CACNA2D1: variants seen among roughly 807,000 people sequenced by gnomAD.
CACNA2D1 encodes the protein voltage-dependent calcium channel subunit alpha-2/delta-1.
Under a neutral mutation model 171.5 loss-of-function variants are expected in CACNA2D1, and 53 were observed. That is an observed-to-expected ratio of 0.31 (90% CI 0.25 to 0.39). The LOEUF is 0.39. Among genes scored for constraint, CACNA2D1 ranks in the 10% least tolerant of loss-of-function variants. The probability of loss-of-function intolerance (pLI) is 1.00; values close to 1 mark genes in which losing one functional copy is unlikely to be tolerated. For synonymous variants in CACNA2D1, 442 were observed against 443.1 expected (o/e 1.00, Z 0.03); for missense variants, 903 against 1,299.8 (o/e 0.69, Z 4.69).
At chr7:82,150,124 G>C (rs1280147450) in intron 4 of CACNA2D1, among the ~76,000 whole-genome samples, 2 of 151,968 alleles carry the variant, frequency 1.3e-5, no homozygotes, top group African/African-American at 4.8e-5. Flanking sequence ...GCATTGACTA[G>C]TTAGTAATGT....
At chr7:82,227,781 T>G (rs1397947986) in intron 3 of CACNA2D1, among the ~76,000 whole-genome samples, 4 of 152,196 alleles carry the variant, frequency 2.6e-5, no homozygotes, top group Non-Finnish European at 5.9e-5. Flanking sequence ...GTCTATATAT[T>G]TTATTAACAT....
At chr7:82,151,511 G>T (rs1793853871) in intron 4 of CACNA2D1, among the ~76,000 whole-genome samples, 1 of 152,010 alleles carries the variant, frequency 6.6e-6, no homozygotes, top group African/African-American at 2.4e-5. Context: ...TATCAATTAG[G>T]CAAAGAATTC....
At chr7:82,305,164 T>C (rs1186536683) in intron 3 of CACNA2D1, among the ~76,000 whole-genome samples, 1 of 152,202 alleles carries the variant, frequency 6.6e-6, no homozygotes, top group African/African-American at 2.4e-5. Flanking sequence ...GAATAACTTA[T>C]GAAATTCATT....
At chr7:82,306,265 G>A (rs771146448) in intron 3 of CACNA2D1, among the ~76,000 whole-genome samples, 8 of 152,110 alleles carry the variant, frequency 5.3e-5, no homozygotes, top group Non-Finnish European at 1.0e-4. Context: ...GGTAGCCAGC[G>A]TGAAAGAAGT....
At chr7:82,443,104 A>C (rs1830627872) in intron 1 of CACNA2D1, among the ~76,000 whole-genome samples, 1 of 152,134 alleles carries the variant, frequency 6.6e-6, no homozygotes. Flanking sequence ...AGACGCCGCG[A>C]GTCGTCGGCG....
chr7:82,061,252 G>A (rs986140473), intron 9 of CACNA2D1, among the ~76,000 whole-genome samples: 2 of 152,038 alleles, frequency 1.3e-5, no homozygotes, highest in Admixed American at 1.3e-4. Context: ...CTATGTCTCA[G>A]CCATCCAATT....
chr7:82,016,417 C>A (rs1442376742), intron 12 of CACNA2D1, among the ~76,000 whole-genome samples: 1 of 152,004 alleles, frequency 6.6e-6, no homozygotes, highest in Non-Finnish European at 1.5e-5. Flanking sequence ...GTTACCACAA[C>A]AATCATCTAG....
chr7:82,149,206 C>G (rs982989406), intron 4 of CACNA2D1, among the ~76,000 whole-genome samples: 2 of 152,126 alleles, frequency 1.3e-5, no homozygotes, highest in East Asian at 3.9e-4. Context: ...AACTACTAAA[C>G]AAGCCAGCCT....
At chr7:82,216,166 GCAT>G (rs886167227) in intron 3 of CACNA2D1, among the ~76,000 whole-genome samples, 1 of 152,108 alleles carries the variant, frequency 6.6e-6, no homozygotes, top group African/African-American at 2.4e-5. Flanking sequence ...GGAAAAAAAT[GCAT>G]CTTATAAGCC....
intron 6 of CACNA2D1, among the ~76,000 whole-genome samples, chr7:82,100,597 T>A (rs1183801389): frequency 2.0e-5 from 3 of 152,188 alleles, no homozygotes; most frequent in African/African-American, 7.2e-5. Context: ...ACTTATTTTC[T>A]AGCTTAAGAA....
At chr7:82,030,057 A>G (rs914278064) in intron 12 of CACNA2D1, 3 of 151,888 alleles carry the variant, frequency 2.0e-5, no homozygotes, top group African/African-American at 7.2e-5. Context: ...TTATAAAAGT[A>G]CATGTGATAT....
chr7:82,368,861 A>G (rs571217845), intron 1 of CACNA2D1, among the ~76,000 whole-genome samples: 27 of 152,262 alleles, frequency 1.8e-4, no homozygotes, highest in African/African-American at 5.8e-4. Context: ...TTTGCTATAC[A>G]TAACAATGAC....
chr7:82,249,498 T>C (rs1171178992), intron 3 of CACNA2D1, among the ~76,000 whole-genome samples: 2 of 152,232 alleles, frequency 1.3e-5, no homozygotes, highest in Non-Finnish European at 2.9e-5. Flanking sequence ...TCATTTTGAC[T>C]GGCTAAAGAA....
intron 1 of CACNA2D1, among the ~76,000 whole-genome samples, chr7:82,389,358 T>C (rs1162533636): frequency 6.6e-6 from 1 of 152,004 alleles, no homozygotes; most frequent in Non-Finnish European, 1.5e-5. Context: ...ATGCTCAAGA[T>C]TAACGAACTT....
At chr7:82,365,705 CATTA>C (rs1435346276) in intron 1 of CACNA2D1, among the ~76,000 whole-genome samples, 2 of 152,188 alleles carry the variant, frequency 1.3e-5, no homozygotes, top group Admixed American at 6.5e-5. Flanking sequence ...ATGAAAGACA[CATTA>C]ATTATTTCAT....
chr7:82,066,796 T>G (rs1467975807), intron 7 of CACNA2D1, among the ~76,000 whole-genome samples: 2 of 152,124 alleles, frequency 1.3e-5, no homozygotes, highest in Non-Finnish European at 2.9e-5. Flanking sequence ...GGTGCTAACT[T>G]AATATGTTTT....
intron 4 of CACNA2D1, among the ~76,000 whole-genome samples, chr7:82,137,511 G>C (rs1170359680): frequency 3.3e-5 from 5 of 151,930 alleles, no homozygotes; most frequent in African/African-American, 1.2e-4. Context: ...ATGTCTTCAA[G>C]TAGTAAACTC....
At chr7:82,092,726 T>A (rs1584718510) in intron 6 of CACNA2D1, among the ~76,000 whole-genome samples, 2 of 151,958 alleles carry the variant, frequency 1.3e-5, no homozygotes, top group East Asian at 3.9e-4. Context: ...AATTTTAGTA[T>A]TTGTAATTAA....
chr7:82,101,088 G>C (rs1284689829), intron 6 of CACNA2D1, among the ~76,000 whole-genome samples: 1 of 151,916 alleles, frequency 6.6e-6, no homozygotes, highest in Non-Finnish European at 1.5e-5. Context: ...CTTTTATCCT[G>C]GAGGATTCTT....
Sources: gnomAD v4.1 joint callset for allele counts (sites outside exome capture counted in the v4.1 genomes callset) on GRCh38, gnomAD v4.1.1 for gene constraint, MANE v1.5 for transcripts, NCBI Gene and HGNC (gene_info 2026-07-23, HGNC 2026-07-21) for gene names.